Variants in GABPA observed in about 807,000 individuals in gnomAD.
The protein encoded by GABPA is GA binding protein transcription factor subunit alpha.
GABPA carries 4 observed loss-of-function variants against 59.4 expected under a neutral mutation model. That is an observed-to-expected ratio of 0.07 (90% CI 0.03 to 0.15). GABPA has a LOEUF of 0.15. Ranked by LOEUF, GABPA falls within the 10% of genes least tolerant of loss-of-function variation. The pLI, the probability that GABPA is intolerant of heterozygous loss-of-function variation, is 1.00. For synonymous variants in GABPA, 164 were observed against 183.1 expected (o/e 0.90, Z 0.84); for missense variants, 251 against 543.8 (o/e 0.46, Z 5.36).
At chr21:25,754,716 C>T (rs915962797) in intron 5 of GABPA, among the ~76,000 whole-genome samples, 1 of 151,950 alleles carries the variant, frequency 6.6e-6, no homozygotes, top group Non-Finnish European at 1.5e-5. Context: ...TAACCTTTCC[C>T]AAGTATCTAA....
At chr21:25,748,227 C>T (rs2035417601) in intron 3 of GABPA, among the ~76,000 whole-genome samples, 1 of 152,246 alleles carries the variant, frequency 6.6e-6, no homozygotes, top group African/African-American at 2.4e-5. Flanking sequence ...GTCTTCTCCC[C>T]TGTTCAAGTT....
At chr21:25,752,267 A>G (rs186838908) in intron 5 of GABPA, 33 bp downstream of exon 5, 47 of 1,602,716 alleles carry the variant, frequency 2.9e-5, no homozygotes, top group Non-Finnish European at 3.9e-5. Context: ...ATTGGGTAGA[A>G]TAATAGGAAT....
At chr21:25,762,744 T>G (rs1006857366) in intron 7 of GABPA, among the ~76,000 whole-genome samples, 7 of 152,206 alleles carry the variant, frequency 4.6e-5, no homozygotes, top group African/African-American at 1.4e-4. Flanking sequence ...ATAGGTTGGA[T>G]ACAGCAGAGA....
chr21:25,771,039 T>G lies in GABPA; in HGVS notation c.*1807T>G, dbSNP rs1027031037. On this transcript the variant is annotated 3_prime_UTR_variant, in exon 10 of 10. Coordinates refer to ENST00000400075, the MANE Select transcript of GABPA (RefSeq NM_002040.4). Reference sequence around the variant, plus strand: ...AATATGAAATAATAAACAGAAGCTCTAACGTCAGGTAACAAATAGACAGCA... The same window carrying G: ...AATATGAAATAATAAACAGAAGCTCGAACGTCAGGTAACAAATAGACAGCA... 6.6e-6 allele frequency: 1 copy of G among 152,038 alleles called. No individual in the cohort carries two copies. The highest frequency in any genetic ancestry group is 2.4e-5 in the African/African-American group (1 of 41,436). The allele number at this position is 152,038 out of a possible 1,614,324, so 9.4% of individuals were successfully genotyped here.
chr21:25,753,976 A>G (rs990395526), intron 5 of GABPA, among the ~76,000 whole-genome samples: 1 of 152,190 alleles, frequency 6.6e-6, no homozygotes, highest in South Asian at 2.1e-4. Context: ...GAGCTTACCC[A>G]TGGAACTGAA....
At chr21:25,759,983 C>T (rs921944618) in intron 6 of GABPA, among the ~76,000 whole-genome samples, 4 of 152,182 alleles carry the variant, frequency 2.6e-5, no homozygotes, top group Admixed American at 1.3e-4. Context: ...ATAGGCTTTT[C>T]CCAGAACAGA....
intron 5 of GABPA, among the ~76,000 whole-genome samples, chr21:25,754,362 A>G (rs953463561): frequency 6.6e-6 from 1 of 152,082 alleles, no homozygotes; most frequent in Non-Finnish European, 1.5e-5. Context: ...CATTATTTTG[A>G]TAAATACCTG....
intron 5 of GABPA, among the ~76,000 whole-genome samples, chr21:25,754,824 G>A (rs1416545858): frequency 6.6e-6 from 1 of 151,032 alleles, no homozygotes; most frequent in Admixed American, 6.6e-5. Flanking sequence ...GGCTGAGGCA[G>A]GTGGGTCACT....
rs2146110810 is a variant in GABPA, at chr21:25,770,282, T to G, written c.*1050T>G. 1 of 152,250 alleles carries G rather than the reference T, an allele frequency of 6.6e-6. No homozygotes were observed. Among genetic ancestry groups the G allele is most frequent in the South Asian group, 2.1e-4 (1 of 4,828 alleles). The allele number at this position is 152,250 out of a possible 1,614,324, so 9.4% of individuals were successfully genotyped here. On this transcript the variant is annotated 3_prime_UTR_variant, in exon 10 of 10. Transcript: ENST00000400075. ...CTCTTTAAGACAATACTTTTCCACT[T>G]GTTTTCCTTTTCCATATTATATATG...
chr21:25,760,891 C>T (rs529230478), intron 6 of GABPA, among the ~76,000 whole-genome samples: 2 of 151,916 alleles, frequency 1.3e-5, no homozygotes, highest in East Asian at 1.9e-4. Context: ...TGTGGTCTGC[C>T]TTCTGTCTTG....
chr21:25,742,861 G>A (rs910120815), intron 2 of GABPA, among the ~76,000 whole-genome samples: 3 of 151,760 alleles, frequency 2.0e-5, no homozygotes, highest in African/African-American at 7.3e-5. Context: ...GTTCAAGGCT[G>A]CAGTGAGCCA....
intron 9 of GABPA, 102 bp from the exon 10 acceptor site, chr21:25,768,902 A>T: frequency 1.4e-6 from 1 of 694,202 alleles, no homozygotes; most frequent in Non-Finnish European, 2.5e-6. Flanking sequence ...ATTGTGGCGG[A>T]TGCAGTACTC....
At chr21:25,757,782 C>G (rs1204803737) in intron 5 of GABPA, among the ~76,000 whole-genome samples, 1 of 150,572 alleles carries the variant, frequency 6.6e-6, no homozygotes, top group East Asian at 1.9e-4. Flanking sequence ...TGAGGTTGAA[C>G]CAAGTGACTG....
At position 25,771,519 on chromosome 21, in the gene GABPA, C is replaced by CATTACT. The variant is rs1601165186; in HGVS notation, c.*2288_*2293dup. 2 of 151,786 alleles carry CATTACT rather than the reference C, an allele frequency of 1.3e-5. No homozygotes were observed. Among genetic ancestry groups the CATTACT allele is most frequent in the East Asian group, 1.9e-4 (1 of 5,200 alleles). The allele number at this position is 151,786 out of a possible 1,614,324, so 9.4% of individuals were successfully genotyped here. ...ATTTCTCCAGTTGATTCAAGAAACT[C>CATTACT]ATTACTTTGCCTCAAATTATATGTA... is the stretch of plus-strand genomic sequence containing the variant. On this transcript the variant is annotated 3_prime_UTR_variant, in exon 10 of 10. Transcript: ENST00000400075.
chr21:25,763,704 T>G (rs922372949), intron 7 of GABPA, among the ~76,000 whole-genome samples: 19 of 152,200 alleles, frequency 1.2e-4, no homozygotes, highest in African/African-American at 4.6e-4. Flanking sequence ...AGCTGTTTCA[T>G]TCATTTTCAC....
chr21:25,762,993 C>G, intron 7 of GABPA: 1 of 386,414 alleles, frequency 2.6e-6, no homozygotes, highest in Non-Finnish European at 5.0e-6. Context: ...TTTCCCCTTT[C>G]TTTTCTCTCG....
Position 25,735,294 on chromosome 21 carries a change from G to C in GABPA, c.-311G>C, listed in dbSNP as rs1343858082. ...AGACTGTGTAAAACAAAGCGGATTG[G>C]GGCGTTGTGCTTCCTTGTACCTCGT... On this transcript the variant is annotated 5_prime_UTR_variant, in exon 1 of 10. Coordinates refer to ENST00000400075, the MANE Select transcript of GABPA (RefSeq NM_002040.4). 1 of 366,978 alleles carries C rather than the reference G, an allele frequency of 2.7e-6. No individual in the cohort carries two copies. The highest frequency in any genetic ancestry group is 5.1e-6 in the Non-Finnish European group (1 of 196,854). 22.7% of individuals were successfully genotyped at this position (366,978 alleles called of 1,614,324 possible).
At chr21:25,751,811 A>T (rs2123527683) in intron 4 of GABPA, among the ~76,000 whole-genome samples, 178 bp from the exon 5 acceptor site, 1 of 152,270 alleles carries the variant, frequency 6.6e-6, no homozygotes, top group African/African-American at 2.4e-5. Context: ...AAGTTGCAAG[A>T]CTAGTAAAAG....
intron 1 of GABPA, among the ~76,000 whole-genome samples, chr21:25,741,287 C>T (rs146865134): frequency 1.1e-4 from 17 of 152,158 alleles, no homozygotes; most frequent in African/African-American, 3.6e-4. Context: ...GCGCGTGCCA[C>T]CACGCCCTGC....
Sources: gnomAD v4.1 joint callset for allele counts (sites outside exome capture counted in the v4.1 genomes callset) on GRCh38, gnomAD v4.1.1 for gene constraint, MANE v1.5 for transcripts, NCBI Gene and HGNC (gene_info 2026-07-23, HGNC 2026-07-21) for gene names.